The following SEMA4D variants were observed in gnomAD, a reference collection of about 807,000 sequenced individuals.
The protein encoded by SEMA4D is semaphorin-4D.
SEMA4D carries 22 observed loss-of-function variants against 74.8 expected under a neutral mutation model. The ratio of observed to expected loss-of-function variants is 0.29; its 90% CI spans 0.21 to 0.42. SEMA4D has a LOEUF of 0.42. Among genes scored for constraint, SEMA4D ranks in the 10% least tolerant of loss-of-function variants. The pLI is 1.00. For synonymous variants in SEMA4D, 445 were observed against 463.7 expected (o/e 0.96, Z 0.52); for missense variants, 937 against 1,118.4 (o/e 0.84, Z 2.31).
chr9:89,493,244 G>C (rs1436333406), intron 1 of SEMA4D, among the ~76,000 whole-genome samples: 1 of 152,202 alleles, frequency 6.6e-6, no homozygotes, highest in East Asian at 1.9e-4. Flanking sequence ...TCAGAAGGAG[G>C]GGGCTATACA....
At chr9:89,424,322 A>T (rs1587786345) in intron 2 of SEMA4D, among the ~76,000 whole-genome samples, 1 of 152,228 alleles carries the variant, frequency 6.6e-6, no homozygotes, top group Non-Finnish European at 1.5e-5. Context: ...AGGTCCAATC[A>T]GAATCCCACA....
chr9:89,396,927 G>T, intron 5 of SEMA4D, 92 bp from the exon 6 acceptor site: 2 of 1,163,132 alleles, frequency 1.7e-6, no homozygotes, highest in South Asian at 1.4e-5. Context: ...CAGGGGCACA[G>T]ACCCACATTC....
chr9:89,421,182 C>T (rs549758832), intron 2 of SEMA4D, among the ~76,000 whole-genome samples: 9 of 152,282 alleles, frequency 5.9e-5, no homozygotes, highest in South Asian at 2.1e-4. Flanking sequence ...TGGCTGTGGA[C>T]GGGGAGAGGG....
chr9:89,495,436 G>A (rs976934799), intron 1 of SEMA4D, among the ~76,000 whole-genome samples: 1 of 152,094 alleles, frequency 6.6e-6, no homozygotes, highest in South Asian at 2.1e-4. Flanking sequence ...CCTGGACCCT[G>A]GACGGCAATG....
chr9:89,477,200 C>A (rs1861962823), intron 1 of SEMA4D, among the ~76,000 whole-genome samples: 1 of 152,128 alleles, frequency 6.6e-6, no homozygotes, highest in Non-Finnish European at 1.5e-5. Context: ...TATGAGCACA[C>A]ATGTGCAGGC....
downstream of SEMA4D, chr9:89,376,888 G>A: frequency 1.9e-6 from 3 of 1,550,912 alleles, no homozygotes; most frequent in Non-Finnish European, 2.6e-6. Flanking sequence ...GCTGTGCCTG[G>A]TCACTCAGGA....
At chr9:89,478,729 C>T (rs966489158) in intron 1 of SEMA4D, among the ~76,000 whole-genome samples, 6 of 152,028 alleles carry the variant, frequency 3.9e-5, no homozygotes, top group African/African-American at 1.5e-4. Context: ...TCCACTCTCC[C>T]ACCCAAAACC....
intron 1 of SEMA4D, among the ~76,000 whole-genome samples, chr9:89,457,188 T>G (rs541970268): frequency 6.6e-6 from 1 of 152,106 alleles, no homozygotes; most frequent in South Asian, 2.1e-4. Flanking sequence ...CCAGAGCCTG[T>G]GATGGGGTGG....
chr9:89,382,106 C>G (rs1837238604), intron 13 of SEMA4D, among the ~76,000 whole-genome samples: 1 of 152,180 alleles, frequency 6.6e-6, no homozygotes, highest in Non-Finnish European at 1.5e-5. Flanking sequence ...TCAGGTCCAT[C>G]CCATCAGCCC....
In SEMA4D at chr9:89,379,278, A is replaced by G. The variant is rs1253679067; in HGVS notation, c.2015T>C (p.Val672Ala). The G allele has an allele frequency of 1.2e-6, 2 of 1,614,016 alleles. No homozygotes were observed. Residue 672 changes from valine (V) to alanine (A), a missense_variant, in exon 16 of 16, where the codon GTG (valine) becomes GCG (alanine). By Grantham distance (64) the Val-to-Ala change is moderately conservative (BLOSUM62 0). Coordinates refer to ENST00000422704, the MANE Select transcript of SEMA4D (RefSeq NM_001371194.2). The part of the protein sequence containing the change: ...QTEGSRIATK[V>A]LVASTQGSSP... ...AGACCCTTGGGTGGATGCCACCAAC[A>G]CTTTGGTGGCAATCCTACTACCTTC...
chr9:89,450,660 G>GGAAAAA (rs1491451024), intron 2 of SEMA4D: 10,224 of 428,256 alleles, frequency 0.024, 990 homozygotes, highest in Non-Finnish European at 0.028. Context: ...AAAAACCCAG[G>GGAAAAA]AAAAAAAAAA....
intron 2 of SEMA4D, among the ~76,000 whole-genome samples, chr9:89,428,413 C>T (rs1227328339): frequency 1.3e-5 from 2 of 152,274 alleles, no homozygotes; most frequent in Non-Finnish European, 2.9e-5. Context: ...CAGTGCCATG[C>T]CCCAGCCACC....
intron 1 of SEMA4D, among the ~76,000 whole-genome samples, chr9:89,482,673 C>T (rs1488351599): frequency 1.3e-5 from 2 of 152,180 alleles, no homozygotes; most frequent in Non-Finnish European, 2.9e-5. Flanking sequence ...GTAGCAACTA[C>T]AATGTAAGTG....
In SEMA4D at chr9:89,392,518, C is replaced by T; in HGVS notation, c.527G>A (p.Gly176Glu). Residue 176 changes from glycine to glutamate, a missense_variant, in exon 8 of 16, where the codon GGG becomes GAG. Transcript: ENST00000422704. ...SVMVDGELYS[G>E]TSYNFLGSEP... ...ACTTCCCAAAAAATTATACGACGTC[C>T]CCGAATAAAGTTCTCCATCTGCAGG... The T allele has an allele frequency of 1.9e-6, 3 of 1,613,602 alleles. No individual in the cohort carries two copies. The highest frequency in any genetic ancestry group is 2.5e-6 in the Non-Finnish European group (3 of 1,179,608).
At position 89,378,958 on chromosome 9, in the gene SEMA4D, T is replaced by C. The variant is rs201496326; in HGVS notation, c.2335A>G (p.Lys779Glu). The stretch of plus-strand genomic sequence containing the variant: ...TGCTCACGGTCACAGAAATCTGACT[T>C]GGGCTTCTTCTTCCCAATTAGTAGG... ...SALLIGKKKP[K>E]SDFCDREQSL... Residue 779 changes from lysine to glutamate, a missense_variant, in exon 16 of 16, where the codon AAG becomes GAG. By Grantham distance (56) the Lys-to-Glu change is moderately conservative. Coordinates refer to ENST00000422704, the MANE Select transcript of SEMA4D (RefSeq NM_001371194.2). The C allele has an allele frequency of 1.4e-5, 23 of 1,614,046 alleles. 1 individual carries two copies. The highest frequency in any genetic ancestry group is 3.3e-4 in the Middle Eastern group (2 of 6,084).
At chr9:89,493,357 A>T (rs1433080898) in intron 1 of SEMA4D, among the ~76,000 whole-genome samples, 1 of 152,200 alleles carries the variant, frequency 6.6e-6, no homozygotes, top group South Asian at 2.1e-4. Context: ...AACAATGAAC[A>T]TGTGCCAAGA....
intron 9 of SEMA4D, among the ~76,000 whole-genome samples, chr9:89,390,828 A>G (rs1016973668): frequency 1.3e-5 from 2 of 152,132 alleles, no homozygotes; most frequent in African/African-American, 4.8e-5. Context: ...GTCATTTTAA[A>G]GGCACCCTCC....
Position 89,402,909 on chromosome 9 carries a change from C to A in SEMA4D, c.214G>T (p.Ala72Ser), listed in dbSNP as rs13284404. Residue 72 changes from alanine to serine, a missense_variant, in exon 4 of 16, where the codon GCT becomes TCT. By Grantham distance (99) the Ala-to-Ser change is moderately conservative. Transcript: ENST00000422704. ...TCGGAGATGTTGAGTGCGTTCACAG[C>A]GAAGACCGCCTCCCGGGCACCTATG... Reference protein sequence around the residue: ...LYIGAREAVFAVNALNISEKQ... With the variant: ...LYIGAREAVFSVNALNISEKQ... 8 of 1,613,934 alleles carry A rather than the reference C, an allele frequency of 5.0e-6. No individual in the cohort carries two copies. In the Admixed American group the frequency reaches 1.0e-4, roughly 20 times the overall value.
exon 19 of SEMA4D, chr9:89,362,283 G>A: frequency 1.3e-6 from 2 of 1,576,740 alleles, no homozygotes; most frequent in Non-Finnish European, 8.7e-7. Context: ...GTTCAGAGCA[G>A]GCTTGGGCAA....
Sources: allele counts gnomAD v4.1 joint callset (sites outside exome capture counted in the v4.1 genomes callset), GRCh38; gene constraint gnomAD v4.1.1; transcripts MANE v1.5; gene names NCBI Gene and HGNC (gene_info 2026-07-23, HGNC 2026-07-21).